ARMC3: variants seen among roughly 807,000 people sequenced by gnomAD.
ARMC3 encodes armadillo repeat-containing protein 3.
In ARMC3, 74 loss-of-function variants were observed where a neutral mutation model predicts 90.3. The observed-to-expected ratio is 0.82, with a 90% confidence interval of 0.68 to 0.99. The LOEUF (loss-of-function observed/expected upper bound fraction) is 0.99. Ranked by LOEUF, ARMC3 falls within the 50% of genes least tolerant of loss-of-function variation. The pLI, the probability that ARMC3 is intolerant of heterozygous loss-of-function variation, is 0.00. For missense variants in ARMC3, 958 were observed against 1,042.8 expected (o/e 0.92, Z 1.12); for synonymous variants, 334 against 361.8 (o/e 0.92, Z 0.87).
intron 2 of ARMC3, among the ~76,000 whole-genome samples, chr10:22,935,867 A>G (rs933226068): frequency 6.6e-6 from 1 of 152,172 alleles, no homozygotes; most frequent in African/African-American, 2.4e-5. Context: ...GATATTCTCT[A>G]TTGAAAGTTC....
intron 2 of ARMC3, among the ~76,000 whole-genome samples, chr10:22,943,990 A>G (rs1378091676): frequency 1.3e-5 from 2 of 152,190 alleles, no homozygotes; most frequent in Non-Finnish European, 2.9e-5. Flanking sequence ...TTAGTAAGCT[A>G]AACAGCAAAA....
Position 22,938,985 on chromosome 10 carries a change from T to G in ARMC3, c.48+6941T>G, listed in dbSNP as rs541120006. ...CTCTCAAGAAGTCCTGGGTGACATGTGACATGGTGCTCCCAGATGGTGGCT... is the reference window on the plus strand; with the variant it reads ...CTCTCAAGAAGTCCTGGGTGACATGGGACATGGTGCTCCCAGATGGTGGCT... On this transcript the variant is annotated intron_variant, in intron 2 of 18. Coordinates refer to ENST00000298032, the MANE Select transcript of ARMC3 (RefSeq NM_173081.5). Among the ~76,000 whole-genome samples the G allele has an allele frequency of 6.6e-5, 10 of 152,320 alleles. No homozygotes were observed. The South Asian group carries it at 1.5e-3, about 22-fold the overall frequency.
chr10:22,938,533 G>C (rs1000341075), intron 2 of ARMC3, among the ~76,000 whole-genome samples: 8 of 152,164 alleles, frequency 5.3e-5, no homozygotes, highest in African/African-American at 1.7e-4. Context: ...GTGCAGTTAA[G>C]ATACAATGGC....
chr10:23,018,654 C>T (rs1395653480), intron 16 of ARMC3, among the ~76,000 whole-genome samples: 1 of 151,404 alleles, frequency 6.6e-6, no homozygotes, highest in African/African-American at 2.4e-5. Flanking sequence ...GTAGCTGGGA[C>T]TACAGGTGCC....
chr10:22,939,384 G>A (rs957830515), intron 2 of ARMC3, among the ~76,000 whole-genome samples: 2 of 152,124 alleles, frequency 1.3e-5, no homozygotes, highest in African/African-American at 2.4e-5. Flanking sequence ...CTCTCAGGGT[G>A]CCGTTAAGTC....
At chr10:22,990,225 C>T (rs759910753) in intron 10 of ARMC3, among the ~76,000 whole-genome samples, 3 of 152,040 alleles carry the variant, frequency 2.0e-5, no homozygotes, top group Non-Finnish European at 2.9e-5. Flanking sequence ...TTTTACCAAC[C>T]CTTGACTTTT....
In ARMC3 at chr10:23,038,394, T is replaced by C. The variant is rs1839198563; in HGVS notation, c.*915T>C. The C allele has an allele frequency of 6.6e-6, 1 of 152,160 alleles. No individual in the cohort carries two copies. Among genetic ancestry groups the C allele is most frequent in the South Asian group, 2.1e-4 (1 of 4,832 alleles). 9.4% of individuals were successfully genotyped at this position (152,160 alleles called of 1,614,324 possible). The stretch of plus-strand genomic sequence containing the variant: ...ACGCTTAAAGTCCAGTGTTGACCTG[T>C]ATAGTCATTTTCCTAGAAGACGTTT... On this transcript the variant is annotated 3_prime_UTR_variant, in exon 19 of 19. Transcript: ENST00000298032.
intron 10 of ARMC3, among the ~76,000 whole-genome samples, chr10:22,992,391 T>C (rs1836750011): frequency 6.6e-6 from 1 of 152,144 alleles, no homozygotes; most frequent in Admixed American, 6.5e-5. Context: ...TATGATGTAA[T>C]CAATTCGGTT....
At chr10:22,981,290 G>T in intron 8 of ARMC3, 50 bp from the exon 9 acceptor site, 1 of 1,491,216 alleles carries the variant, frequency 6.7e-7, no homozygotes, top group Non-Finnish European at 9.0e-7. Context: ...GTAATACTTC[G>T]CAGTTTTTGC....
Position 23,037,727 on chromosome 10 carries a change from T to A in ARMC3, c.*248T>A, listed in dbSNP as rs540725464. On this transcript the variant is annotated 3_prime_UTR_variant, in exon 19 of 19. Transcript: ENST00000298032. Reference sequence around the variant, plus strand: ...CTGACCCTCACATAAAGCTGATTGTTGTCGAAATTCATCCAGCCCACTGTG... The same window carrying A: ...CTGACCCTCACATAAAGCTGATTGTAGTCGAAATTCATCCAGCCCACTGTG... The A allele has an allele frequency of 5.0e-6, 2 of 398,438 alleles. 1 individual carries two copies. The highest frequency in any genetic ancestry group is 9.8e-5 in the South Asian group (2 of 20,444). The allele number at this position is 398,438 out of a possible 1,614,324, so 24.7% of individuals were successfully genotyped here. A position where few individuals can be genotyped will look rare whatever the true frequency, so the allele number is the denominator to read the frequency against.
intron 3 of ARMC3, among the ~76,000 whole-genome samples, chr10:22,952,288 C>T (rs926408806): frequency 5.9e-5 from 9 of 151,890 alleles, no homozygotes; most frequent in South Asian, 2.1e-4. Context: ...TGATAAACCT[C>T]GAGATGGATT....
At chr10:23,008,230 C>A (rs1564391158) in intron 14 of ARMC3, 46 bp from the exon 15 acceptor site, 1 of 1,003,786 alleles carries the variant, frequency 1.0e-6, no homozygotes, top group Non-Finnish European at 1.4e-6. Flanking sequence ...CATCTGTTGA[C>A]AAATAATTTT....
intron 2 of ARMC3, among the ~76,000 whole-genome samples, chr10:22,944,883 A>ATCAAC (rs1834465524): frequency 6.6e-6 from 1 of 152,236 alleles, no homozygotes; most frequent in Admixed American, 6.5e-5. Flanking sequence ...CACAAGTGCC[A>ATCAAC]CCAACCTGTT....
chr10:22,957,945 C>T (rs1173312765), intron 4 of ARMC3, among the ~76,000 whole-genome samples: 4 of 151,888 alleles, frequency 2.6e-5, no homozygotes, highest in African/African-American at 7.3e-5. Flanking sequence ...GCCTATAATC[C>T]CAGCACTTTG....
chr10:23,004,276 C>T (rs1837469347), intron 13 of ARMC3, among the ~76,000 whole-genome samples: 1 of 152,140 alleles, frequency 6.6e-6, no homozygotes, highest in East Asian at 1.9e-4. Context: ...CTTCTGGAAA[C>T]CAAAAGCAAT....
chr10:22,963,533 A>T (rs886656887), intron 7 of ARMC3, among the ~76,000 whole-genome samples: 3 of 152,098 alleles, frequency 2.0e-5, no homozygotes, highest in African/African-American at 7.2e-5. Flanking sequence ...ATTTTTATTC[A>T]GCATTGTCCT....
intron 18 of ARMC3, among the ~76,000 whole-genome samples, chr10:23,033,757 C>A (rs1226581288): frequency 1.3e-5 from 2 of 152,126 alleles, no homozygotes; most frequent in East Asian, 3.8e-4. Context: ...GACAGGAAAA[C>A]CAGTTAGAAG....
intron 5 of ARMC3, 127 bp from the exon 6 acceptor site, chr10:22,959,272 G>A: frequency 7.6e-7 from 1 of 1,324,414 alleles, no homozygotes; most frequent in Non-Finnish European, 1.1e-6. Context: ...TCAATTTTGA[G>A]TTTATAAAAG....
intron 3 of ARMC3, among the ~76,000 whole-genome samples, chr10:22,951,620 TG>T (rs1325394633): frequency 6.6e-6 from 1 of 152,176 alleles, no homozygotes; most frequent in African/African-American, 2.4e-5. Context: ...CAGAAAACTC[TG>T]GGTAATTGTT....
Sources: allele counts gnomAD v4.1 joint callset (sites outside exome capture counted in the v4.1 genomes callset), GRCh38; gene constraint gnomAD v4.1.1; transcripts MANE v1.5; gene names NCBI Gene and HGNC (gene_info 2026-07-23, HGNC 2026-07-21).